The following NAP1L4 variants were observed in gnomAD, a reference collection of about 807,000 sequenced individuals.
The protein encoded by NAP1L4 is nucleosome assembly protein 1 like 4, also known as nucleosome assembly protein 1-like 4.
Under a neutral mutation model 58.2 loss-of-function variants are expected in NAP1L4, and 15 were observed. That is an observed-to-expected ratio of 0.26 (90% CI 0.17 to 0.40). The LOEUF (loss-of-function observed/expected upper bound fraction) is 0.40, where lower values mean the gene tolerates loss of function less well. NAP1L4 is among the 10% of genes least tolerant of loss of function. The pLI is 1.00. For missense variants in NAP1L4, 384 were observed against 451.1 expected, an observed-to-expected ratio of 0.85 and a Z score of 1.35; for synonymous variants, 171 against 155.6, an observed-to-expected ratio of 1.10 and a Z score of -0.74.
Position 2,954,149 on chromosome 11 carries a change from G to A in NAP1L4, c.1035+378C>T, listed in dbSNP as rs922842998. 1.3e-5 allele frequency among the ~76,000 whole-genome samples: 2 copies of A among 152,166 alleles called. No homozygotes were observed. The highest frequency in any genetic ancestry group is 4.8e-5 in the African/African-American group (2 of 41,428). On this transcript the variant is annotated intron_variant, in intron 12 of 15. Transcript: ENST00000380542. This position sits in a 1 kb window ranked among gnomAD's most constrained non-coding sequence, Gnocchi z 4.8. The stretch of plus-strand genomic sequence containing the variant: ...ATTTCTTTTGGGTTGATGAACCACA[G>A]GCTAGCATAAGTCCACTGTCAATAA...
rs57754393 is a variant in NAP1L4 at position 2,987,756 on chromosome 11, C to CAAAAA, written c.-18+4493_-18+4497dup. Among the ~76,000 whole-genome samples, 55 of 70,424 alleles carry CAAAAA rather than the reference C, an allele frequency of 7.8e-4. 2 individuals carry two copies. Among genetic ancestry groups the CAAAAA allele is most frequent in the Non-Finnish European group, 9.1e-4 (35 of 38,298 alleles). 46.2% of individuals were successfully genotyped at this position (70,424 alleles called of 152,430 possible). A position where few individuals can be genotyped will look rare whatever the true frequency, so the allele number is the denominator to read the frequency against. On this transcript the variant is annotated intron_variant, in intron 1 of 15. Coordinates refer to ENST00000380542, the MANE Select transcript of NAP1L4 (RefSeq NM_005969.4). The stretch of plus-strand genomic sequence containing the variant: ...TGGGCATCAGAGCGAGACTCCACCT[C>CAAAAA]AAAAAAAAAAAAAAAAAAAAAGCAA...
chr11:2,978,584 C>G (rs1848110174), intron 2 of NAP1L4, among the ~76,000 whole-genome samples: 1 of 152,150 alleles, frequency 6.6e-6, no homozygotes, highest in African/African-American at 2.4e-5. Context: ...GTTCTTATTT[C>G]CAACCTTAGC....
intron 4 of NAP1L4, among the ~76,000 whole-genome samples, chr11:2,974,924 A>G (rs1847857848): frequency 6.6e-6 from 1 of 152,166 alleles, no homozygotes; most frequent in Non-Finnish European, 1.5e-5. Context: ...GCTACTCAGG[A>G]GGCTGAGGCA....
intron 1 of NAP1L4, chr11:2,983,630 AT>A (rs781094648): frequency 7.2e-5 from 11 of 152,184 alleles, no homozygotes; most frequent in Non-Finnish European, 1.5e-4. Context: ...TAGAAAAAAA[AT>A]AATGAATTTA....
chr11:2,972,668 A>G (rs895320813), intron 4 of NAP1L4, among the ~76,000 whole-genome samples: 10 of 152,198 alleles, frequency 6.6e-5, no homozygotes, highest in African/African-American at 2.2e-4. Flanking sequence ...CAGTAATTCT[A>G]TTTCTAAGAA....
intron 2 of NAP1L4, 94 bp from the exon 3 acceptor site, chr11:2,978,436 G>T (rs1848099010): frequency 3.4e-6 from 4 of 1,189,554 alleles, no homozygotes; most frequent in Middle Eastern, 4.2e-4. Flanking sequence ...ATATTAAGAG[G>T]TATCTGTACA....
chr11:2,960,545 A>G (rs1357690552), intron 8 of NAP1L4, among the ~76,000 whole-genome samples: 3 of 152,208 alleles, frequency 2.0e-5, no homozygotes, highest in Non-Finnish European at 4.4e-5. Context: ...CAAGGCATTC[A>G]TGCTCACGAG....
chr11:2,946,003 C>T lies in NAP1L4; in HGVS notation c.*33-357G>A, dbSNP rs1295406179. Among the ~76,000 whole-genome samples, 1 of 152,182 alleles carries T rather than the reference C, an allele frequency of 6.6e-6. No individual in the cohort carries two copies. Among genetic ancestry groups the T allele is most frequent in the African/African-American group, 2.4e-5 (1 of 41,428 alleles). ...CACACAGAGCACAGTGCGCTCAACA[C>T]GGGCAGCTCCATCCAGGAAGGCCAC... On this transcript the variant is annotated intron_variant, in intron 15 of 15. Coordinates refer to ENST00000380542, the MANE Select transcript of NAP1L4 (RefSeq NM_005969.4). This position sits in a 1 kb window ranked among gnomAD's most constrained non-coding sequence, Gnocchi z 4.8.
chr11:2,961,363 C>T (rs781306010), intron 8 of NAP1L4, among the ~76,000 whole-genome samples: 1 of 151,974 alleles, frequency 6.6e-6, no homozygotes, highest in African/African-American at 2.4e-5. Flanking sequence ...GCAAAGGAAG[C>T]GGGTAGGGCA....
rs779540843 is a variant in NAP1L4 at position 2,949,371 on chromosome 11, G to A, written c.1123-107C>T. The A allele has an allele frequency of 1.0e-5, 9 of 894,744 alleles. No individual in the cohort carries two copies. The highest frequency in any genetic ancestry group is 9.3e-5 in the Admixed American group (5 of 53,852). The allele number at this position is 894,744 out of a possible 1,614,324, so 55.4% of individuals were successfully genotyped here. ...CAATTTCTCATGATACAAAAGGGCT[G>A]CAAGATACTGAACTCGGGGTGAACA... On this transcript the variant is annotated intron_variant, in intron 14 of 15. Transcript: ENST00000380542. The surrounding 1 kb of genome is among the most constrained non-coding windows in gnomAD (Gnocchi z 4.0).
At chr11:2,987,756 CAAAAAA>C (rs57754393) in intron 1 of NAP1L4, among the ~76,000 whole-genome samples, 1 of 70,454 alleles carries the variant, frequency 1.4e-5, no homozygotes, top group Non-Finnish European at 2.6e-5. Context: ...GACTCCACCT[CAAAAAA>C]AAAAAAAAAA....
intron 8 of NAP1L4, among the ~76,000 whole-genome samples, chr11:2,962,195 T>C (rs1284487244): frequency 2.0e-5 from 3 of 152,248 alleles, no homozygotes; most frequent in Non-Finnish European, 4.4e-5. Flanking sequence ...CCATCAAACA[T>C]TTAATTTAAC....
Position 2,951,290 on chromosome 11 carries a change from T to TCTCCCTCCTCGTCAC in NAP1L4, c.1076_1090dup (p.Gly359_Gly363dup). 6.2e-7 allele frequency: 1 copy of TCTCCCTCCTCGTCAC among 1,614,064 alleles called. No individual in the cohort carries two copies. Among genetic ancestry groups the TCTCCCTCCTCGTCAC allele is most frequent in the Admixed American group, 1.7e-5 (1 of 60,006 alleles). On this transcript the variant is annotated inframe_insertion, in exon 14 of 16. Coordinates refer to ENST00000380542, the MANE Select transcript of NAP1L4 (RefSeq NM_005969.4). The surrounding 1 kb of genome is among the most constrained non-coding windows in gnomAD (Gnocchi z 4.0). ...GTTAATTTCCGCATCATCCTCGTCT[T>TCTCCCTCCTCGTCAC]CTCCCTCCTCGTCACCTTCTAATTC...
chr11:2,978,217 T>C, intron 3 of NAP1L4, 67 bp downstream of exon 3: 1 of 1,479,716 alleles, frequency 6.8e-7, no homozygotes, highest in Non-Finnish European at 9.3e-7. Flanking sequence ...CTTGCATTAA[T>C]AAATGTTTCC....
chr11:2,979,025 G>A (rs1238423010), intron 2 of NAP1L4, among the ~76,000 whole-genome samples, 182 bp downstream of exon 2: 1 of 152,206 alleles, frequency 6.6e-6, no homozygotes, highest in Admixed American at 6.5e-5. Context: ...GTCAATGTCT[G>A]AGGCACTGTT....
At position 2,945,599 on chromosome 11, in the gene NAP1L4, C is replaced by CTCCGCT; in HGVS notation, c.*74_*79dup. On this transcript the variant is annotated 3_prime_UTR_variant, in exon 16 of 16. Coordinates refer to ENST00000380542, the MANE Select transcript of NAP1L4 (RefSeq NM_005969.4). The stretch of plus-strand genomic sequence containing the variant: ...GACAGCCGGTCTGCCAGGCACCCGC[C>CTCCGCT]TCCGCTTCCTACTGCTGCTTGCATT... 1 of 1,536,004 alleles carries CTCCGCT rather than the reference C, an allele frequency of 6.5e-7. No individual in the cohort carries two copies. Among genetic ancestry groups the CTCCGCT allele is most frequent in the Non-Finnish European group, 8.7e-7 (1 of 1,146,818 alleles).
chr11:2,952,034 G>C, intron 12 of NAP1L4: 1 of 608,336 alleles, frequency 1.6e-6, no homozygotes, highest in South Asian at 2.0e-5. Flanking sequence ...GAATAGGATA[G>C]GAAGCTGGTC....
chr11:2,979,248 A>G lies in NAP1L4; in HGVS notation c.-17-11T>C. The G allele has an allele frequency of 1.2e-6, 2 of 1,600,072 alleles. No individual in the cohort carries two copies. Among genetic ancestry groups the G allele is most frequent in the Non-Finnish European group, 1.7e-6 (2 of 1,171,148 alleles). On this transcript the variant is annotated splice_polypyrimidine_tract_variant and intron_variant, in intron 1 of 15. Transcript: ENST00000380542. ...GAATGTTTTTATCCCCTATAAATTA[A>G]AAAGAGTTGTAATAATTATATTCAT...
chr11:2,988,063 A>G (rs999258583), intron 1 of NAP1L4: 5 of 152,248 alleles, frequency 3.3e-5, no homozygotes, highest in Admixed American at 2.0e-4. Context: ...TACAAGATCT[A>G]CTGAAATACC....
Sources: gnomAD v4.1 joint callset for allele counts (sites outside exome capture counted in the v4.1 genomes callset) on GRCh38, gnomAD v4.1.1 for gene constraint, Gnocchi (gnomAD v3.1) non-coding constraint, MANE v1.5 for transcripts, NCBI Gene and HGNC (gene_info 2026-07-23, HGNC 2026-07-21) for gene names.